Variants in COL6A2 observed in about 807,000 individuals in gnomAD.
COL6A2 encodes collagen type VI alpha 2 chain.
In COL6A2, 90 loss-of-function variants were observed where a neutral mutation model predicts 124.9. The observed-to-expected ratio is 0.72, with a 90% CI of 0.61 to 0.86. The LOEUF is 0.86. COL6A2 is among the 40% of genes least tolerant of loss of function. The pLI, the probability that COL6A2 is intolerant of heterozygous loss-of-function variation, is 0.00. For missense variants in COL6A2, 1,607 were observed against 1,502.5 expected (o/e 1.07, Z -1.15); for synonymous variants, 793 against 618.2 (o/e 1.28, Z -4.19).
chr21:46,118,738 T>C (rs2078515253), intron 13 of COL6A2, 62 bp downstream of exon 13: 1 of 1,545,604 alleles, frequency 6.5e-7, no homozygotes. Flanking sequence ...ATGGCCCAGA[T>C]GAACAGTCAC....
At chr21:46,111,415 TG>T in intron 1 of COL6A2, 34 bp from the exon 2 acceptor site, 3 of 1,269,924 alleles carry the variant, frequency 2.4e-6, no homozygotes, top group Non-Finnish European at 3.4e-6. Flanking sequence ...GGAGAGGCAC[TG>T]GGGGTGTCTG....
chr21:46,113,747 T>C (rs2078435284), intron 4 of COL6A2: 1 of 560,776 alleles, frequency 1.8e-6, no homozygotes, highest in South Asian at 2.0e-5. Context: ...TTTTCTGTCA[T>C]GGCTTAAGCC....
chr21:46,129,458 G>C (rs758563022), intron 27 of COL6A2: 1 of 1,600,930 alleles, frequency 6.2e-7, no homozygotes, highest in Non-Finnish European at 8.5e-7. Flanking sequence ...GGGACATCGT[G>C]GGGGACCCCG....
Position 46,120,927 on chromosome 21 carries a change from C to T in COL6A2, c.1396-134C>T, listed in dbSNP as rs543889840. ...GAAGGTCAAGTGGAGCCACAGCCTCCGGGGAGGGTCATAGGGGCCGGGGCC... is the reference window on the plus strand; with the variant it reads ...GAAGGTCAAGTGGAGCCACAGCCTCTGGGGAGGGTCATAGGGGCCGGGGCC... On this transcript the variant is annotated intron_variant, in intron 16 of 27. Coordinates refer to ENST00000300527, the MANE Select transcript of COL6A2 (RefSeq NM_001849.4). 981 of 835,216 alleles carry T rather than the reference C, an allele frequency of 1.2e-3. 1 individual carries two copies. Among genetic ancestry groups the T allele is most frequent in the Non-Finnish European group, 1.5e-3 (750 of 490,922 alleles). 51.7% of individuals were successfully genotyped at this position (835,216 alleles called of 1,614,324 possible). A position where few individuals can be genotyped will look rare whatever the true frequency, so the allele number is the denominator to read the frequency against.
intron 10 of COL6A2, 62 bp from the exon 11 acceptor site, chr21:46,117,338 C>T (rs2078488082): frequency 5.2e-6 from 8 of 1,532,846 alleles, no homozygotes; most frequent in Admixed American, 3.5e-5. Context: ...GTGTCTTGGT[C>T]GTTGGCACAC....
rs1478059197 is a variant in COL6A2 at position 46,118,619 on chromosome 21, C to T, written c.1122C>T (p.Asp374=). 6 of 1,612,504 alleles carry T rather than the reference C, an allele frequency of 3.7e-6. No homozygotes were observed. The highest frequency in any genetic ancestry group is 5.1e-6 in the Non-Finnish European group (6 of 1,179,846). Residue 374 remains aspartate (D), a synonymous_variant, in exon 13 of 28, where the codon GAC becomes GAT. Coordinates refer to ENST00000300527, the MANE Select transcript of COL6A2 (RefSeq NM_001849.4). ...GATTCTGCAAACCCTTCCAGGGGGA[C>T]CCTGGCCGCCCAGGACGCAGAGGGC... ...GERGDQGGKG[D]PGRPGRRGPP...
chr21:46,107,218 AAATC>A (rs1374026042), intron 1 of COL6A2, among the ~76,000 whole-genome samples: 1 of 152,150 alleles, frequency 6.6e-6, no homozygotes, highest in Admixed American at 6.5e-5. Context: ...TGATAGAAGA[AAATC>A]AATAACTTTT....
chr21:46,111,142 G>T (rs899777946), intron 1 of COL6A2, among the ~76,000 whole-genome samples: 9 of 152,022 alleles, frequency 5.9e-5, no homozygotes, highest in Non-Finnish European at 1.0e-4. Flanking sequence ...CCATGCCGAC[G>T]CGCCCAGCTA....
Position 46,122,908 on chromosome 21 carries a change from C to G in COL6A2, c.1642C>G (p.Pro548Ala). 2 of 1,613,278 alleles carry G rather than the reference C, an allele frequency of 1.2e-6. No individual in the cohort carries two copies. Among genetic ancestry groups the G allele is most frequent in the Non-Finnish European group, 1.7e-6 (2 of 1,179,928 alleles). ...GRGDFGLKGE[P>A]GRKGEKGEPA... ...AGGCGACTTTGGCTTGAAAGGAGAACCTGGGAGGAAAGGAGAGAAAGGAGA... is the reference window on the plus strand; with the variant it reads ...AGGCGACTTTGGCTTGAAAGGAGAAGCTGGGAGGAAAGGAGAGAAAGGAGA... Residue 548 changes from proline (P) to alanine (A), a missense_variant, in exon 21 of 28, where the codon CCT becomes GCT. Pro to Ala is a conservative substitution (Grantham distance 27, BLOSUM62 -1). Coordinates refer to ENST00000300527, the MANE Select transcript of COL6A2 (RefSeq NM_001849.4).
rs777643801 is a variant in COL6A2, at chr21:46,125,323, C to G, written c.1816+12C>G. On this transcript the variant is annotated intron_variant, in intron 24 of 27. Coordinates refer to ENST00000300527, the MANE Select transcript of COL6A2 (RefSeq NM_001849.4). ...CTGCGGGTGCTGCGGTGAGGCACTG[C>G]CCACGGCAGGGTCGGGGCCCATGCA... 1.4e-5 allele frequency: 23 copies of G among 1,608,696 alleles called. No homozygotes were observed. Among genetic ancestry groups the G allele is most frequent in the Non-Finnish European group, 1.9e-5 (22 of 1,177,456 alleles).
intron 27 of COL6A2, among the ~76,000 whole-genome samples, chr21:46,131,599 T>G (rs1169399559): frequency 6.6e-6 from 1 of 152,170 alleles, no homozygotes; most frequent in Non-Finnish European, 1.5e-5. Context: ...ACAGTGGCCC[T>G]TTTGTGGGCA....
Position 46,126,558 on chromosome 21 carries a change from T to G in COL6A2, c.2461+17T>G. On this transcript the variant is annotated intron_variant, in intron 27 of 27. Transcript: ENST00000300527. ...GCCAAACAGGTAATGCAGGGCACCC[T>G]GAGCCACCACCCCAGACTAGCAAAG... is the stretch of plus-strand genomic sequence containing the variant. The G allele has an allele frequency of 1.9e-6, 3 of 1,613,302 alleles. No individual in the cohort carries two copies. Among genetic ancestry groups the G allele is most frequent in the Non-Finnish European group, 2.5e-6 (3 of 1,179,884 alleles).
intron 1 of COL6A2, among the ~76,000 whole-genome samples, chr21:46,108,022 C>T (rs1287958542): frequency 6.6e-6 from 1 of 151,902 alleles, no homozygotes; most frequent in Non-Finnish European, 1.5e-5. Context: ...ATATATTTTT[C>T]TAAGTGGCTC....
chr21:46,126,530 C>T lies in COL6A2; in HGVS notation c.2450C>T (p.Pro817Leu), dbSNP rs772914876. The T allele has an allele frequency of 6.8e-6, 11 of 1,613,488 alleles. No individual in the cohort carries two copies. The highest frequency in any genetic ancestry group is 9.3e-6 in the Non-Finnish European group (11 of 1,179,876). Residue 817 changes from proline to leucine, a missense_variant, in exon 27 of 28, where the codon CCC (proline) becomes CTC (leucine). This residue lies in a region of COL6A2 where 1,223 missense variants were observed against 1,052.2 expected (regional missense o/e 1.16). Coordinates refer to ENST00000300527, the MANE Select transcript of COL6A2 (RefSeq NM_001849.4). ...CCTCAGATCGTGTGCCCAGACCTTCCCTGCCAAACAGGTAATGCAGGGCAC... is the reference window on the plus strand; with the variant it reads ...CCTCAGATCGTGTGCCCAGACCTTCTCTGCCAAACAGGTAATGCAGGGCAC... ...PDPQIVCPDL[P>L]CQTELSVAQC...
chr21:46,118,939 T>TA, intron 13 of COL6A2, 91 bp from the exon 14 acceptor site: 1 of 1,102,130 alleles, frequency 9.1e-7, no homozygotes, highest in Non-Finnish European at 1.4e-6. Flanking sequence ...CGCTGGAAGA[T>TA]AATAGGGGCT....
At chr21:46,114,150 G>GT in intron 5 of COL6A2, 77 bp downstream of exon 5, 1 of 1,265,726 alleles carries the variant, frequency 7.9e-7, no homozygotes, top group Non-Finnish European at 1.2e-6. Context: ...CACTTGGCCG[G>GT]GCGTGGTGGC....
At chr21:46,128,594 T>C (rs1364262679) in intron 27 of COL6A2, among the ~76,000 whole-genome samples, 4 of 152,146 alleles carry the variant, frequency 2.6e-5, no homozygotes, top group Non-Finnish European at 4.4e-5. Flanking sequence ...CAGAGGGTGC[T>C]GGAGAAACAA....
At chr21:46,126,457 C>G in intron 26 of COL6A2, 46 bp from the exon 27 acceptor site, 2 of 1,604,216 alleles carry the variant, frequency 1.2e-6, no homozygotes, top group Non-Finnish European at 1.7e-6. Flanking sequence ...TGAGGGTTCG[C>G]TAGGGACTGA....
At chr21:46,105,386 AAAAT>A (rs1051246315) in intron 1 of COL6A2, among the ~76,000 whole-genome samples, 2 of 152,106 alleles carry the variant, frequency 1.3e-5, no homozygotes, top group East Asian at 1.9e-4. Context: ...ACCTTATCTC[AAAAT>A]AAATAAATAA....
Sources: gnomAD v4.1 joint callset for allele counts (sites outside exome capture counted in the v4.1 genomes callset) on GRCh38, gnomAD v4.1.1 for gene constraint, gnomAD v4.1.1 regional missense constraint, MANE v1.5 for transcripts, NCBI Gene and HGNC (gene_info 2026-07-23, HGNC 2026-07-21) for gene names.